The following SMS variants were observed in gnomAD, a reference collection of about 807,000 sequenced individuals.
SMS encodes the protein spermine synthase, also known as spermidine aminopropyltransferase.
Under a neutral mutation model 33.0 loss-of-function variants are expected in SMS, and 3 were observed. That is an observed-to-expected ratio of 0.09 (90% CI 0.04 to 0.23). SMS has a LOEUF of 0.23. Among genes scored for constraint, SMS ranks in the 10% least tolerant of loss-of-function variants. SMS has a pLI of 1.00. For missense variants in SMS, 117 were observed against 288.6 expected, an observed-to-expected ratio of 0.41 and a Z score of 4.31; for synonymous variants, 103 against 112.2, an observed-to-expected ratio of 0.92 and a Z score of 0.52.
At chrX:21,947,662 C>T (rs951824175) in intron 1 of SMS, among the ~76,000 whole-genome samples, 3 of 111,144 alleles carry the variant, frequency 2.7e-5, no homozygotes, top group East Asian at 2.8e-4. Flanking sequence ...GGGATGGGCC[C>T]GATCATTAGG....
At chrX:21,948,050 A>G (rs1922357128) in intron 1 of SMS, among the ~76,000 whole-genome samples, 1 of 111,454 alleles carries the variant, frequency 9.0e-6, no homozygotes, top group African/African-American at 3.3e-5. Flanking sequence ...TTAATTGCAC[A>G]GGTTATGCTC....
intron 1 of SMS, chrX:21,941,403 G>A (rs1602173578): frequency 4.8e-6 from 1 of 209,382 alleles, no homozygotes; most frequent in Non-Finnish European, 8.8e-6. Flanking sequence ...GTTTCCCCTC[G>A]TAGGGAGCTG....
At chrX:21,961,192 G>A (rs1258255198) in intron 1 of SMS, among the ~76,000 whole-genome samples, 1 of 108,726 alleles carries the variant, frequency 9.2e-6, no homozygotes, top group African/African-American at 3.4e-5. Flanking sequence ...AAGACCATGA[G>A]GGAAGGAAGG....
intron 1 of SMS, among the ~76,000 whole-genome samples, chrX:21,952,413 G>GTTTT (rs1569342226): frequency 3.9e-5 from 3 of 77,338 alleles, no homozygotes; most frequent in Non-Finnish European, 2.4e-5. Flanking sequence ...CACGTTGTTT[G>GTTTT]TTTGTTTGTT....
chrX:21,946,075 G>A (rs1320337427), intron 1 of SMS, among the ~76,000 whole-genome samples: 1 of 91,718 alleles, frequency 1.1e-5, no homozygotes, highest in African/African-American at 3.8e-5. Context: ...GTAGTTGACA[G>A]TGTGTGATTT....
intron 2 of SMS, among the ~76,000 whole-genome samples, chrX:21,970,732 C>CTTA (rs981480736): frequency 1.1e-5 from 1 of 94,532 alleles, no homozygotes; most frequent in Admixed American, 1.1e-4. Flanking sequence ...CCATGCTTAG[C>CTTA]TTATTATTTT....
chrX:21,949,483 C>A (rs1922462258), intron 1 of SMS, among the ~76,000 whole-genome samples: 1 of 111,848 alleles, frequency 8.9e-6, no homozygotes, highest in Admixed American at 9.5e-5. Context: ...TAATGGGTTG[C>A]CCTGTGTTTT....
At chrX:21,953,336 C>T (rs1374440907) in intron 1 of SMS, among the ~76,000 whole-genome samples, 1 of 110,913 alleles carries the variant, frequency 9.0e-6, no homozygotes, top group Non-Finnish European at 1.9e-5. Context: ...ATTACAGAAG[C>T]AAGAAACAAA....
intron 1 of SMS, among the ~76,000 whole-genome samples, chrX:21,957,153 C>CT (rs111845628): frequency 0.015 from 1,405 of 91,141 alleles, 40 homozygotes; most frequent in East Asian, 0.14. Flanking sequence ...AAACCAACTA[C>CT]TTTTTTTTTT....
intron 4 of SMS, 49 bp from the exon 5 acceptor site, chrX:21,977,012 G>A: frequency 8.9e-7 from 1 of 1,123,714 alleles, no homozygotes; most frequent in Non-Finnish European, 1.2e-6. Flanking sequence ...AGCTCCACTT[G>A]TAAGGCAGTG....
chrX:21,940,896 G>A, intron 1 of SMS, 23 bp downstream of exon 1: 1 of 1,045,109 alleles, frequency 9.6e-7, no homozygotes, highest in East Asian at 4.3e-5. Context: ...GCCGCCACCT[G>A]CGTGGCCATC....
At position 21,947,725 on chromosome X, in the gene SMS, C is replaced by G. The variant is rs142546700; in HGVS notation, c.49+6852C>G. Among the ~76,000 whole-genome samples the G allele has an allele frequency of 8.1e-3, 901 of 111,359 alleles. 7 individuals carry two copies. Among genetic ancestry groups the G allele is most frequent in the African/African-American group, 0.028 (852 of 30,574 alleles). On this transcript the variant is annotated intron_variant, in intron 1 of 10. Coordinates refer to ENST00000404933, the MANE Select transcript of SMS (RefSeq NM_004595.5). Reference sequence around the variant, plus strand: ...CCATTTAAAAACTCTTCCGTGGGTCCCTATTACCCCATGGATGAAGTCTAA... The same window carrying G: ...CCATTTAAAAACTCTTCCGTGGGTCGCTATTACCCCATGGATGAAGTCTAA...
intron 2 of SMS, among the ~76,000 whole-genome samples, chrX:21,968,345 G>A (rs749475679): frequency 8.9e-5 from 10 of 112,505 alleles, no homozygotes; most frequent in Non-Finnish European, 1.9e-4. Flanking sequence ...CGAAACACTC[G>A]TGCATTTCCC....
chrX:21,980,286 G>T (rs1052242535), intron 7 of SMS, among the ~76,000 whole-genome samples: 1 of 107,934 alleles, frequency 9.3e-6, no homozygotes, highest in Admixed American at 1.0e-4. Context: ...GTGTGGCGGC[G>T]TGTGCCTGTA....
At chrX:21,949,055 G>T (rs1017239913) in intron 1 of SMS, among the ~76,000 whole-genome samples, 1 of 112,014 alleles carries the variant, frequency 8.9e-6, no homozygotes. Flanking sequence ...TCATTAAATT[G>T]ACACTGTCAT....
chrX:21,958,629 C>T (rs1249958400), intron 1 of SMS, among the ~76,000 whole-genome samples: 1 of 112,527 alleles, frequency 8.9e-6, no homozygotes, highest in African/African-American at 3.2e-5. Context: ...GCATTCTTCC[C>T]AGCCTCTGGC....
intron 1 of SMS, among the ~76,000 whole-genome samples, chrX:21,953,890 A>ATTTTTTTTTT (rs10599284): frequency 1.1e-5 from 1 of 90,144 alleles, no homozygotes; most frequent in East Asian, 3.6e-4. Flanking sequence ...AATTTTATTG[A>ATTTTTTTTTT]TTTTTTTTTT....
intron 10 of SMS, among the ~76,000 whole-genome samples, chrX:21,993,937 TC>T (rs1925924789): frequency 9.6e-6 from 1 of 104,448 alleles, no homozygotes; most frequent in Admixed American, 1.1e-4. Flanking sequence ...CTCTCTTCCC[TC>T]CCCCTTCTCT....
chrX:21,994,796 A>T lies in SMS; in HGVS notation c.*445A>T. 1.4e-6 allele frequency: 1 copy of T among 699,278 alleles called. No individual in the cohort carries two copies. Among genetic ancestry groups the T allele is most frequent in the South Asian group, 7.0e-5 (1 of 14,364 alleles). 57.6% of individuals were successfully genotyped at this position (699,278 alleles called of 1,213,427 possible). A position where few individuals can be genotyped will look rare whatever the true frequency, so the allele number is the denominator to read the frequency against. The stretch of plus-strand genomic sequence containing the variant: ...ATTTGGTGCTTATAAGAGAGAGTTA[A>T]AAAAAAATAGGATTGCTTCAATTAA... On this transcript the variant is annotated 3_prime_UTR_variant, in exon 11 of 11. Transcript: ENST00000404933.
Sources: allele counts gnomAD v4.1 joint callset (sites outside exome capture counted in the v4.1 genomes callset), GRCh38; gene constraint gnomAD v4.1.1; transcripts MANE v1.5; gene names NCBI Gene and HGNC (gene_info 2026-07-23, HGNC 2026-07-21).